FOCAD: variants seen among roughly 807,000 people sequenced by gnomAD.
FOCAD encodes KIAA1797.
Under a neutral mutation model 225.6 loss-of-function variants are expected in FOCAD, and 198 were observed. The observed-to-expected ratio is 0.88, with a 90% CI of 0.78 to 0.99. The LOEUF (loss-of-function observed/expected upper bound fraction) is 0.99, where lower values mean the gene tolerates loss of function less well. FOCAD is among the 50% of genes least tolerant of loss of function. The pLI is 0.00. For synonymous variants in FOCAD, 897 were observed against 755.0 expected, an observed-to-expected ratio of 1.19 and a Z score of -3.08; for missense variants, 2,713 against 2,123.6, an observed-to-expected ratio of 1.28 and a Z score of -5.46.
At chr9:20,804,856 C>T (rs1822243312) in intron 11 of FOCAD, among the ~76,000 whole-genome samples, 1 of 149,660 alleles carries the variant, frequency 6.7e-6, no homozygotes, top group Admixed American at 6.8e-5. Flanking sequence ...AAAAAAAAAT[C>T]AGTGGCGGGG....
At chr9:20,778,865 G>T (rs1819067923) in intron 9 of FOCAD, 97 bp downstream of exon 9, 3 of 578,918 alleles carry the variant, frequency 5.2e-6, no homozygotes, top group African/African-American at 1.9e-5. Context: ...TGTGTATTTT[G>T]AGTTTCCATC....
intron 35 of FOCAD, among the ~76,000 whole-genome samples, chr9:20,963,961 G>T (rs1245932615): frequency 6.6e-6 from 1 of 152,010 alleles, no homozygotes; most frequent in Admixed American, 6.5e-5. Flanking sequence ...CACTGTCTCC[G>T]CTGCTAGAGT....
At chr9:20,790,253 A>C (rs906631591) in intron 11 of FOCAD, among the ~76,000 whole-genome samples, 56 of 152,278 alleles carry the variant, frequency 3.7e-4, no homozygotes, top group African/African-American at 1.3e-3. Context: ...ATAACCTGTG[A>C]CTTTTTTTTT....
At chr9:20,876,168 C>T (rs1482945378) in intron 19 of FOCAD, among the ~76,000 whole-genome samples, 2 of 152,162 alleles carry the variant, frequency 1.3e-5, no homozygotes, top group East Asian at 1.9e-4. Flanking sequence ...TTCTCTTCTC[C>T]TGATATCTAG....
chr9:20,812,237 C>G (rs1306123696), intron 11 of FOCAD, among the ~76,000 whole-genome samples: 2 of 151,958 alleles, frequency 1.3e-5, no homozygotes, highest in African/African-American at 4.8e-5. Flanking sequence ...TTTCATTCCA[C>G]TGATAACTTT....
intron 39 of FOCAD, among the ~76,000 whole-genome samples, chr9:20,982,812 G>A (rs1840819212): frequency 6.6e-6 from 1 of 152,172 alleles, no homozygotes; most frequent in Non-Finnish European, 1.5e-5. Context: ...CGATGAATGA[G>A]CAAAAAGTAG....
chr9:20,874,791 C>T lies in FOCAD; in HGVS notation c.2301C>T (p.Pro767=). 1 of 1,613,580 alleles carries T rather than the reference C, an allele frequency of 6.2e-7. No homozygotes were observed. The highest frequency in any genetic ancestry group is 1.1e-5 in the South Asian group (1 of 91,066). Residue 767 remains proline (P), a synonymous_variant, in exon 19 of 44, where the codon CCC becomes CCT. Coordinates refer to ENST00000338382, the MANE Select transcript of FOCAD (RefSeq NM_001375567.1). ...SCYLKLLSLT[P]PLVLPALEEF... is the part of the protein sequence containing the mutation. ...ATCTCAAACTGTTGTCACTCACTCC[C>T]CCTTTGGTTTTACCAGGTGACTCCT...
intron 2 of FOCAD, chr9:20,658,879 T>G (rs1268795588): frequency 6.6e-6 from 1 of 152,462 alleles, no homozygotes; most frequent in African/African-American, 2.4e-5. Flanking sequence ...TATGCTGAAG[T>G]TCCAACCCCT....
In FOCAD at chr9:20,767,293, A is replaced by T. The variant is rs867897454; in HGVS notation, c.699+2220A>T. Among the ~76,000 whole-genome samples, 34 of 149,958 alleles carry T rather than the reference A, an allele frequency of 2.3e-4. No homozygotes were observed. The South Asian group carries it at 7.2e-3, about 32-fold the overall frequency. ...AATGCCGCAATAAACATACGTGTGC[A>T]TGTGTCTTTATAGCAGCAAGATTTA... On this transcript the variant is annotated intron_variant, in intron 7 of 43. Coordinates refer to ENST00000338382, the MANE Select transcript of FOCAD (RefSeq NM_001375567.1).
intron 11 of FOCAD, 24 bp from the exon 12 acceptor site, chr9:20,819,772 A>G (rs1824118827): frequency 1.5e-6 from 2 of 1,328,674 alleles, no homozygotes; most frequent in Non-Finnish European, 2.1e-6. Flanking sequence ...GGCATATTTA[A>G]TATATTTTAA....
At chr9:20,757,176 A>G (rs1162052621) in intron 5 of FOCAD, among the ~76,000 whole-genome samples, 1 of 152,138 alleles carries the variant, frequency 6.6e-6, no homozygotes, top group East Asian at 1.9e-4. Context: ...TGATCCACCC[A>G]TCTTGGCCTC....
chr9:20,994,664 G>A (rs894554599), intron 43 of FOCAD, among the ~76,000 whole-genome samples: 32 of 152,174 alleles, frequency 2.1e-4, no homozygotes, highest in African/African-American at 7.5e-4. Context: ...GGTCTGACAT[G>A]TTTTCACATT....
intron 2 of FOCAD, among the ~76,000 whole-genome samples, chr9:20,679,115 CTGTGTATGTGTGTGTG>C (rs1196187529): frequency 2.4e-3 from 221 of 93,050 alleles, no homozygotes; most frequent in African/African-American, 8.6e-3. Context: ...AACAGACAGT[CTGTGTATGTGTGTGTG>C]TGTGTGTGTG....
chr9:20,765,495 G>C (rs953413281), intron 7 of FOCAD, among the ~76,000 whole-genome samples: 18 of 151,462 alleles, frequency 1.2e-4, no homozygotes, highest in Admixed American at 7.9e-4. Flanking sequence ...GCAAAGCCTG[G>C]CCAGCTGAGT....
At chr9:20,657,961 G>A (rs1445376779), upstream of FOCAD, among the ~76,000 whole-genome samples, 7 of 140,566 alleles carry the variant, frequency 5.0e-5, no homozygotes, top group South Asian at 7.3e-4. Context: ...TTTTTGGTGT[G>A]GATGTCCTTT....
intron 11 of FOCAD, among the ~76,000 whole-genome samples, chr9:20,804,611 A>T (rs1307173639): frequency 6.6e-6 from 1 of 151,638 alleles, no homozygotes; most frequent in African/African-American, 2.4e-5. Context: ...TGTTGTGCAA[A>T]AAGTGTTATT....
intron 10 of FOCAD, among the ~76,000 whole-genome samples, chr9:20,786,506 G>T (rs1326082363): frequency 6.6e-6 from 1 of 152,130 alleles, no homozygotes. Flanking sequence ...CTGCTTGACT[G>T]ATGAGTGATT....
At chr9:20,674,634 A>G (rs930250349) in intron 2 of FOCAD, among the ~76,000 whole-genome samples, 7 of 152,236 alleles carry the variant, frequency 4.6e-5, no homozygotes, top group African/African-American at 1.4e-4. Context: ...AGTTGCATCA[A>G]AAGATACTGG....
chr9:20,768,288 A>C (rs377130403), intron 7 of FOCAD, among the ~76,000 whole-genome samples: 6 of 151,468 alleles, frequency 4.0e-5, no homozygotes, highest in African/African-American at 1.5e-4. Context: ...CTTTTGGCTT[A>C]GGATTGACTT....
Sources: gnomAD v4.1 joint callset for allele counts (sites outside exome capture counted in the v4.1 genomes callset) on GRCh38, gnomAD v4.1.1 for gene constraint, MANE v1.5 for transcripts, NCBI Gene and HGNC (gene_info 2026-07-23, HGNC 2026-07-21) for gene names.